The following FMO1 variants were observed in gnomAD, a reference collection of about 807,000 sequenced individuals.
FMO1 encodes flavin-containing monooxygenase 1.
In FMO1, 36 loss-of-function variants were observed where a neutral mutation model predicts 45.4. The observed-to-expected ratio is 0.79, with a 90% confidence interval of 0.61 to 1.05. FMO1 has a LOEUF of 1.05. Ranked by LOEUF, FMO1 falls within the 50% of genes least tolerant of loss-of-function variation. The pLI is 0.00. For missense variants in FMO1, 615 were observed against 640.3 expected (o/e 0.96, Z 0.43); for synonymous variants, 228 against 227.2 (o/e 1.00, Z -0.03).
chr1:171,264,898 C>A (rs185517457), intron 2 of FMO1, among the ~76,000 whole-genome samples: 362 of 148,768 alleles, frequency 2.4e-3, no homozygotes, highest in Middle Eastern at 0.021. Context: ...GACTCCATCT[C>A]AAAAAAAAAC....
At position 171,282,208 on chromosome 1, in the gene FMO1, A is replaced by G. The variant is rs145415338; in HGVS notation, c.1058A>G (p.Tyr353Cys). The G allele has an allele frequency of 9.2e-5, 149 of 1,614,012 alleles. 1 individual carries two copies. In the African/African-American group the frequency reaches 1.7e-3, roughly 18 times the overall value. ...VKVEDGQASL[Y>C]KYIFPAHLQK... ...GTTGAAGATGGCCAGGCCTCACTGT[A>G]CAAGTATATCTTCCCTGCACATCTG... The change falls in exon 7 of 9, where the codon TAC becomes TGC. Residue 353 changes from tyrosine to cysteine, a missense_variant. Coordinates refer to ENST00000617670, the MANE Select transcript of FMO1 (RefSeq NM_001282693.2).
intron 3 of FMO1, 66 bp from the exon 4 acceptor site, chr1:171,275,280 C>T: frequency 1.6e-5 from 20 of 1,253,844 alleles, no homozygotes; most frequent in Non-Finnish European, 2.2e-5. Flanking sequence ...ATCAATGGTA[C>T]ATCAACTGGC....
intron 7 of FMO1, 125 bp downstream of exon 7, chr1:171,282,458 C>T (rs1661400170): frequency 1.5e-6 from 1 of 654,716 alleles, no homozygotes; most frequent in Non-Finnish European, 2.6e-6. Context: ...AAGCAGGATG[C>T]ATTCTATTGT....
At chr1:171,267,354 A>T (rs995346454) in intron 2 of FMO1, among the ~76,000 whole-genome samples, 189 bp from the exon 3 acceptor site, 20 of 152,216 alleles carry the variant, frequency 1.3e-4, no homozygotes, top group African/African-American at 4.8e-4. Flanking sequence ...TCATTTCCAG[A>T]ATACCCCATA....
At chr1:171,275,534 T>A in intron 4 of FMO1, 26 bp downstream of exon 4, 1 of 1,578,820 alleles carries the variant, frequency 6.3e-7, no homozygotes, top group African/African-American at 1.4e-5. Flanking sequence ...TAACTAACTT[T>A]AAGTTTTCTC....
At chr1:171,257,934 C>A in intron 1 of FMO1, 148 bp from the exon 2 acceptor site, 1 of 830,720 alleles carries the variant, frequency 1.2e-6, no homozygotes, top group Non-Finnish European at 1.9e-6. Context: ...CATTTTCCTT[C>A]TCACATTCAC....
intron 2 of FMO1, among the ~76,000 whole-genome samples, chr1:171,265,748 CAATT>C (rs1660593158): frequency 6.6e-6 from 1 of 152,152 alleles, no homozygotes; most frequent in African/African-American, 2.4e-5. Context: ...TTTAATATGA[CAATT>C]AATCTTGCTT....
intron 2 of FMO1, among the ~76,000 whole-genome samples, chr1:171,266,544 C>G (rs1457294493): frequency 1.3e-5 from 2 of 152,130 alleles, no homozygotes; most frequent in Non-Finnish European, 2.9e-5. Flanking sequence ...TTAATTTAAA[C>G]CACAGAGATA....
At chr1:171,260,254 G>T (rs754536499) in intron 2 of FMO1, among the ~76,000 whole-genome samples, 1 of 152,198 alleles carries the variant, frequency 6.6e-6, no homozygotes, top group Non-Finnish European at 1.5e-5. Context: ...CAAAATTAAG[G>T]AGATTTCCTG....
chr1:171,256,501 T>G (rs531235233), intron 1 of FMO1, among the ~76,000 whole-genome samples: 3 of 152,016 alleles, frequency 2.0e-5, no homozygotes, highest in Non-Finnish European at 1.5e-5. Flanking sequence ...TTATACAAGG[T>G]TTTTGATTTT....
rs201219844 is a variant in FMO1 at position 171,285,678 on chromosome 1, GCC to G, written c.*137_*138del. The G allele has an allele frequency of 1.2e-3, 539 of 467,136 alleles. 4 individuals are homozygous for G. Among genetic ancestry groups the G allele is most frequent in the African/African-American group, 7.4e-3 (369 of 49,564 alleles). 28.9% of individuals were successfully genotyped at this position (467,136 alleles called of 1,614,324 possible). ...GGCCACCCTCTCGCTTCCCTGGCTG[GCC>G]CCAGGGCTACCACTGGTATTCCTGA... On this transcript the variant is annotated 3_prime_UTR_variant, in exon 9 of 9. Transcript: ENST00000617670.
Position 171,285,728 on chromosome 1 carries a change from A to C in FMO1, c.*184A>C. ...TGAGCCTCTCCCAGCTCCACTTCTA[A>C]TGCTAGAGAATGATAACTAAGACTT... On this transcript the variant is annotated 3_prime_UTR_variant, in exon 9 of 9. Coordinates refer to ENST00000617670, the MANE Select transcript of FMO1 (RefSeq NM_001282693.2). 1 of 398,302 alleles carries C rather than the reference A, an allele frequency of 2.5e-6. No homozygotes were observed. Among genetic ancestry groups the C allele is most frequent in the Non-Finnish European group, 4.4e-6 (1 of 227,030 alleles). The allele number at this position is 398,302 out of a possible 1,614,324, so 24.7% of individuals were successfully genotyped here.
Position 171,278,874 on chromosome 1 carries a change from A to G in FMO1, c.627+3A>G. On this transcript the variant is annotated splice_donor_region_variant and intron_variant, in intron 5 of 8. Coordinates refer to ENST00000617670, the MANE Select transcript of FMO1 (RefSeq NM_001282693.2). Reference sequence around the variant, plus strand: ...AGGCCAGCCACCTGGCGGAAAAGGTACATTCCTGATGTTACTGGGTGAAGA... The same window carrying G: ...AGGCCAGCCACCTGGCGGAAAAGGTGCATTCCTGATGTTACTGGGTGAAGA... 1 of 1,609,100 alleles carries G rather than the reference A, an allele frequency of 6.2e-7. No individual in the cohort carries two copies. The highest frequency in any genetic ancestry group is 8.5e-7 in the Non-Finnish European group (1 of 1,176,902).
At chr1:171,282,737 T>C (rs10399602) in intron 7 of FMO1, 47,739 of 216,518 alleles carry the variant, frequency 0.22, 9,034 homozygotes, top group African/African-American at 0.58. Flanking sequence ...CCTACCTCAG[T>C]CTCCTGAGTA....
intron 1 of FMO1, among the ~76,000 whole-genome samples, chr1:171,254,850 G>A (rs547713940): frequency 6.6e-6 from 1 of 152,214 alleles, no homozygotes; most frequent in African/African-American, 2.4e-5. Context: ...GTCAGAATTG[G>A]CACCTCTTTC....
At position 171,281,916 on chromosome 1, in the gene FMO1, G is replaced by A. The variant is rs903667527; in HGVS notation, c.828-62G>A. ...CCAGAATGAGAGAGGGAGGTAAAGA[G>A]AAGGGAGAGCTGGCTGAATTGTTCA... On this transcript the variant is annotated intron_variant, in intron 6 of 8. Transcript: ENST00000617670. The A allele has an allele frequency of 6.3e-6, 6 of 945,768 alleles. No homozygotes were observed. In the Admixed American group the frequency reaches 1.2e-4, roughly 19 times the overall value. 58.6% of individuals were successfully genotyped at this position (945,768 alleles called of 1,614,324 possible). A position where few individuals can be genotyped will look rare whatever the true frequency, so the allele number is the denominator to read the frequency against.
Position 171,274,411 on chromosome 1 carries a change from C to A in FMO1, c.322-935C>A, listed in dbSNP as rs144924564. 9.9e-3 allele frequency among the ~76,000 whole-genome samples: 1,507 copies of A among 151,974 alleles called. 25 individuals are homozygous for A. Among genetic ancestry groups the A allele is most frequent in the African/African-American group, 0.033 (1,380 of 41,472 alleles). On this transcript the variant is annotated intron_variant, in intron 3 of 8. Transcript: ENST00000617670. ...GAGTAGCTGGGACTACAGGCATGGGCCACCACACCTGGGTAATTTTTTGTA... is the reference window on the plus strand; with the variant it reads ...GAGTAGCTGGGACTACAGGCATGGGACACCACACCTGGGTAATTTTTTGTA...
chr1:171,276,449 T>C (rs1661110644), intron 4 of FMO1, among the ~76,000 whole-genome samples: 1 of 152,196 alleles, frequency 6.6e-6, no homozygotes, highest in Non-Finnish European at 1.5e-5. Flanking sequence ...CATTCAACAA[T>C]GGAATCTCAT....
chr1:171,254,310 G>A (rs187994799), intron 1 of FMO1, among the ~76,000 whole-genome samples: 10 of 152,142 alleles, frequency 6.6e-5, no homozygotes, highest in East Asian at 3.9e-4. Context: ...AGCTGGTTTC[G>A]AACTTCTGAC....
Sources: gnomAD v4.1 joint callset for allele counts (sites outside exome capture counted in the v4.1 genomes callset) on GRCh38, gnomAD v4.1.1 for gene constraint, MANE v1.5 for transcripts, NCBI Gene and HGNC (gene_info 2026-07-23, HGNC 2026-07-21) for gene names.